SDK1: variants seen among roughly 807,000 people sequenced by gnomAD.
The protein encoded by SDK1 is sidekick cell adhesion molecule 1.
Under a neutral mutation model 245.5 loss-of-function variants are expected in SDK1, and 157 were observed. The observed-to-expected ratio is 0.64, with a 90% CI of 0.56 to 0.73. The LOEUF is 0.73. SDK1 is among the 30% of genes least tolerant of loss of function. The probability of loss-of-function intolerance (pLI) is 0.00; values close to 1 mark genes in which losing one functional copy is unlikely to be tolerated. For missense variants in SDK1, 3,583 were observed against 3,002.3 expected (o/e 1.19, Z -4.52); for synonymous variants, 1,647 against 1,278.5 (o/e 1.29, Z -6.15).
intron 32 of SDK1, among the ~76,000 whole-genome samples, chr7:4,163,403 G>T (rs538496384): frequency 1.3e-5 from 2 of 152,340 alleles, no homozygotes; most frequent in South Asian, 4.1e-4. Context: ...GCCTTGGAGG[G>T]CGAGGGGATG....
intron 1 of SDK1, among the ~76,000 whole-genome samples, chr7:3,366,524 A>G (rs528423390): frequency 1.3e-5 from 2 of 152,238 alleles, no homozygotes; most frequent in South Asian, 4.1e-4. Context: ...ACTTTCATCA[A>G]CAGTGTTTGT....
intron 2 of SDK1, among the ~76,000 whole-genome samples, chr7:3,623,081 C>T (rs1394160193): frequency 1.3e-5 from 2 of 152,078 alleles, no homozygotes; most frequent in African/African-American, 4.8e-5. Flanking sequence ...TGTTTCCCAC[C>T]TTAACAGGAC....
chr7:4,097,920 C>T (rs376632492), intron 22 of SDK1, among the ~76,000 whole-genome samples: 4 of 152,234 alleles, frequency 2.6e-5, no homozygotes, highest in African/African-American at 9.6e-5. Flanking sequence ...CATAATCCCA[C>T]GGTCATCTGG....
At chr7:4,198,147 T>C (rs1783688964) in intron 35 of SDK1, among the ~76,000 whole-genome samples, 1 of 152,176 alleles carries the variant, frequency 6.6e-6, no homozygotes, top group Admixed American at 6.5e-5. Context: ...GGGCCTCTCA[T>C]GTCACGTCAC....
intron 4 of SDK1, among the ~76,000 whole-genome samples, chr7:3,737,549 G>C (rs1368659213): frequency 6.6e-6 from 1 of 152,192 alleles, no homozygotes; most frequent in African/African-American, 2.4e-5. Context: ...TGCCCTCCCT[G>C]GCCAGATGGT....
chr7:3,905,007 AAATAAT>A (rs1554279224), intron 5 of SDK1, among the ~76,000 whole-genome samples: 1 of 143,510 alleles, frequency 7.0e-6, no homozygotes, highest in Non-Finnish European at 1.5e-5. Context: ...AAAAAAAAAA[AAATAAT>A]AATAATAAAA....
At chr7:3,600,053 C>A (rs560476371) in intron 1 of SDK1, among the ~76,000 whole-genome samples, 5 of 152,126 alleles carry the variant, frequency 3.3e-5, no homozygotes, top group Admixed American at 3.3e-4. Context: ...GTCTTTAATT[C>A]TATGGACATG....
chr7:4,214,847 T>A (rs1038231315), intron 38 of SDK1, among the ~76,000 whole-genome samples: 3 of 151,804 alleles, frequency 2.0e-5, no homozygotes, highest in African/African-American at 7.3e-5. Flanking sequence ...CCCGCCGGGG[T>A]CTTTCCCGCC....
chr7:4,012,625 G>A (rs551878514), intron 16 of SDK1, among the ~76,000 whole-genome samples: 2 of 127,882 alleles, frequency 1.6e-5, no homozygotes, highest in Admixed American at 9.9e-5. Flanking sequence ...CCAGGCTGGA[G>A]TGCAGTGGCA....
At chr7:4,092,863 G>A (rs752984600) in intron 22 of SDK1, among the ~76,000 whole-genome samples, 49 of 152,130 alleles carry the variant, frequency 3.2e-4, no homozygotes, top group Non-Finnish European at 5.9e-4. Context: ...AGCAGAGCAG[G>A]GCAGGGACGA....
intron 15 of SDK1, among the ~76,000 whole-genome samples, chr7:4,011,771 G>C (rs1194816130): frequency 1.3e-5 from 2 of 152,190 alleles, no homozygotes; most frequent in Non-Finnish European, 2.9e-5. Context: ...AACAGTTTGG[G>C]AGGAGTCTGA....
chr7:3,678,472 G>A (rs918203400), intron 4 of SDK1, among the ~76,000 whole-genome samples: 3 of 152,202 alleles, frequency 2.0e-5, no homozygotes, highest in Non-Finnish European at 2.9e-5. Context: ...GCTGCATCAC[G>A]TGGACGAACT....
intron 1 of SDK1, among the ~76,000 whole-genome samples, chr7:3,416,463 CTTTTTT>C (rs5881982): frequency 1.5e-5 from 2 of 132,382 alleles, no homozygotes; most frequent in Non-Finnish European, 3.3e-5. Context: ...GGCTTTCGTT[CTTTTTT>C]TTTTTTTTTT....
intron 20 of SDK1, among the ~76,000 whole-genome samples, chr7:4,068,714 T>TTTTA (rs3066355): frequency 0.13 from 18,718 of 149,442 alleles, 1,246 homozygotes; most frequent in Middle Eastern, 0.15. Context: ...TTTTTAATGA[T>TTTTA]TTTATTTATT....
chr7:3,518,825 A>C (rs1782834727), intron 1 of SDK1, among the ~76,000 whole-genome samples: 1 of 152,174 alleles, frequency 6.6e-6, no homozygotes, highest in South Asian at 2.1e-4. Context: ...AAATCAGTTT[A>C]TCAAAGAGAT....
chr7:3,347,348 G>A (rs1237705957), intron 1 of SDK1, among the ~76,000 whole-genome samples: 1 of 152,072 alleles, frequency 6.6e-6, no homozygotes, highest in Non-Finnish European at 1.5e-5. Flanking sequence ...CATTATTAGT[G>A]TATATATGAT....
At chr7:3,438,238 A>G (rs999900897) in intron 1 of SDK1, among the ~76,000 whole-genome samples, 1 of 152,198 alleles carries the variant, frequency 6.6e-6, no homozygotes, top group Admixed American at 6.5e-5. Context: ...ATATTATTTT[A>G]TATTCCCAAT....
chr7:3,690,869 C>G (rs969381933), intron 4 of SDK1, among the ~76,000 whole-genome samples: 1 of 152,100 alleles, frequency 6.6e-6, no homozygotes, highest in African/African-American at 2.4e-5. Context: ...TCATAATAGA[C>G]AGTCTCAAAA....
At chr7:3,774,214 CAA>C (rs35211488) in intron 4 of SDK1, among the ~76,000 whole-genome samples, 1,579 of 70,288 alleles carry the variant, frequency 0.022, 27 homozygotes, top group African/African-American at 0.077. Flanking sequence ...GACTCCATCT[CAA>C]AAAAAAAAAA....
Sources: allele counts gnomAD v4.1 joint callset (sites outside exome capture counted in the v4.1 genomes callset), GRCh38; gene constraint gnomAD v4.1.1; transcripts MANE v1.5; gene names NCBI Gene and HGNC (gene_info 2026-07-23, HGNC 2026-07-21).